SLC24A2: variants seen among roughly 807,000 people sequenced by gnomAD.
The protein encoded by SLC24A2 is solute carrier family 24 member 2.
Under a neutral mutation model 62.0 loss-of-function variants are expected in SLC24A2, and 36 were observed. The ratio of observed to expected loss-of-function variants is 0.58; its 90% CI spans 0.44 to 0.77. The LOEUF (loss-of-function observed/expected upper bound fraction) is 0.77. SLC24A2 is among the 30% of genes least tolerant of loss of function. The pLI is 0.00. For missense variants in SLC24A2, 846 were observed against 817.9 expected (o/e 1.03, Z -0.42); for synonymous variants, 358 against 294.0 (o/e 1.22, Z -2.23).
chr9:19,570,313 T>A (rs762452675), intron 7 of SLC24A2, among the ~76,000 whole-genome samples: 1 of 152,226 alleles, frequency 6.6e-6, no homozygotes, highest in Non-Finnish European at 1.5e-5. Context: ...GTTGTCATTT[T>A]GGTTATTTCT....
intron 2 of SLC24A2, among the ~76,000 whole-genome samples, chr9:19,672,365 CT>C (rs1819446473): frequency 6.8e-6 from 1 of 146,248 alleles, no homozygotes; most frequent in South Asian, 2.2e-4. Context: ...AATCTTTTGT[CT>C]TTCTGTGGTA....
the SLC24A2 span, among the ~76,000 whole-genome samples, chr9:20,258,484 G>C: frequency 2.6e-5 from 4 of 152,262 alleles, no homozygotes; most frequent in African/African-American, 9.6e-5. Context: ...GGTCTGGATG[G>C]AACAAAACGC....
chr9:20,091,749 C>A, the SLC24A2 span, among the ~76,000 whole-genome samples: 2 of 152,204 alleles, frequency 1.3e-5, no homozygotes, highest in African/African-American at 4.8e-5. Flanking sequence ...CTAGCCAATA[C>A]AAAAACACAT....
In SLC24A2 at chr9:19,516,370, A is replaced by G; in HGVS notation, c.1769T>C (p.Ile590Thr). The stretch of plus-strand genomic sequence containing the variant: ...GACAGCCACTGGCTGGAATCTGTGA[A>G]TGACGGTGTACAGGAGCCAGGGCAG... ...LPLPWLLYTVIHRFQPVAVSS... is the reference protein window; with the variant it reads ...LPLPWLLYTVTHRFQPVAVSS... Residue 590 changes from isoleucine to threonine, a missense_variant, in exon 11 of 11, where the codon ATT (isoleucine) becomes ACT (threonine). By Grantham distance (89) the Ile-to-Thr change is moderately conservative (BLOSUM62 -1). Coordinates refer to ENST00000341998, the MANE Select transcript of SLC24A2 (RefSeq NM_020344.4). The G allele has an allele frequency of 6.2e-7, 1 of 1,614,112 alleles. No homozygotes were observed. Among genetic ancestry groups the G allele is most frequent in the Non-Finnish European group, 8.5e-7 (1 of 1,179,992 alleles).
At chr9:20,122,816 G>A in the SLC24A2 span, among the ~76,000 whole-genome samples, 2 of 152,004 alleles carry the variant, frequency 1.3e-5, no homozygotes, top group African/African-American at 2.4e-5. Flanking sequence ...TTGGATAAGC[G>A]CACATATTTT....
At chr9:20,165,525 G>A in the SLC24A2 span, among the ~76,000 whole-genome samples, 1 of 151,774 alleles carries the variant, frequency 6.6e-6, no homozygotes, top group Non-Finnish European at 1.5e-5. Context: ...TAATAAAGTG[G>A]TATCTCAAAT....
chr9:19,564,247 A>G (rs758721485), intron 7 of SLC24A2, among the ~76,000 whole-genome samples: 7 of 151,904 alleles, frequency 4.6e-5, no homozygotes, highest in Non-Finnish European at 8.8e-5. Flanking sequence ...AAGAGAAATT[A>G]AAAAACCACA....
the SLC24A2 span, among the ~76,000 whole-genome samples, chr9:20,306,393 CAA>C: frequency 6.6e-6 from 1 of 152,218 alleles, no homozygotes; most frequent in African/African-American, 2.4e-5. Flanking sequence ...CTACCACAGG[CAA>C]ATGTAAGATG....
the SLC24A2 span, among the ~76,000 whole-genome samples, chr9:20,057,154 C>A: frequency 6.6e-6 from 1 of 152,128 alleles, no homozygotes; most frequent in African/African-American, 2.4e-5. Flanking sequence ...AAATATTGGG[C>A]CAGAAGATTC....
chr9:20,028,291 G>A, the SLC24A2 span, among the ~76,000 whole-genome samples: 2 of 152,124 alleles, frequency 1.3e-5, no homozygotes, highest in Non-Finnish European at 2.9e-5. Flanking sequence ...AGCTTTGCTT[G>A]TCTCCTCTGT....
chr9:19,988,022 A>C, the SLC24A2 span, among the ~76,000 whole-genome samples: 1 of 152,236 alleles, frequency 6.6e-6, no homozygotes, highest in Non-Finnish European at 1.5e-5. Flanking sequence ...AGAATTGAGG[A>C]AGAAATTATG....
intron 4 of SLC24A2, among the ~76,000 whole-genome samples, chr9:19,609,661 G>A (rs1304932590): frequency 6.6e-6 from 1 of 152,094 alleles, no homozygotes; most frequent in South Asian, 2.1e-4. Context: ...TTATGGTTTT[G>A]TTGCATTTGT....
At chr9:19,566,205 C>T (rs1586972107) in intron 7 of SLC24A2, among the ~76,000 whole-genome samples, 1 of 150,298 alleles carries the variant, frequency 6.7e-6, no homozygotes, top group Non-Finnish European at 1.5e-5. Context: ...AAAATTTTTG[C>T]AATCTACTCA....
chr9:19,699,753 G>T (rs1820301715), intron 2 of SLC24A2, among the ~76,000 whole-genome samples: 1 of 152,014 alleles, frequency 6.6e-6, no homozygotes, highest in African/African-American at 2.4e-5. Context: ...TCCTTTGTAT[G>T]TTTTCCAAAT....
the SLC24A2 span, among the ~76,000 whole-genome samples, chr9:20,035,136 G>T: frequency 1.3e-5 from 2 of 152,120 alleles, no homozygotes; most frequent in African/African-American, 4.8e-5. Context: ...CTGAGTCCTA[G>T]TTCTAATTTT....
chr9:19,984,128 G>A, the SLC24A2 span, among the ~76,000 whole-genome samples: 2,024 of 152,280 alleles, frequency 0.013, 39 homozygotes, highest in African/African-American at 0.041. Context: ...CCTGTTGTAA[G>A]TTGCAGAGCA....
chr9:20,040,356 T>C, the SLC24A2 span, among the ~76,000 whole-genome samples: 1 of 152,210 alleles, frequency 6.6e-6, no homozygotes, highest in Non-Finnish European at 1.5e-5. Flanking sequence ...GAGAAACTCA[T>C]GCTAATGCTA....
intron 2 of SLC24A2, among the ~76,000 whole-genome samples, chr9:19,701,195 A>T (rs546840664): frequency 6.6e-6 from 1 of 152,356 alleles, no homozygotes; most frequent in East Asian, 1.9e-4. Flanking sequence ...AGATTGATCG[A>T]AGGGGATGAT....
At chr9:19,561,545 C>T (rs1299336956) in intron 7 of SLC24A2, among the ~76,000 whole-genome samples, 1 of 149,962 alleles carries the variant, frequency 6.7e-6, no homozygotes, top group African/African-American at 2.5e-5. Flanking sequence ...AGGGATTTTC[C>T]TGCCTCAGCC....
Sources: gnomAD v4.1 joint callset for allele counts (sites outside exome capture counted in the v4.1 genomes callset) on GRCh38, gnomAD v4.1.1 for gene constraint, MANE v1.5 for transcripts, NCBI Gene and HGNC (gene_info 2026-07-23, HGNC 2026-07-21) for gene names.